AMZ2: variants seen among roughly 807,000 people sequenced by gnomAD.
AMZ2 encodes the protein archaelysin family metallopeptidase 2.
AMZ2 carries 26 observed loss-of-function variants against 36.7 expected under a neutral mutation model. The ratio of observed to expected loss-of-function variants is 0.71; its 90% CI spans 0.52 to 0.98. The LOEUF (loss-of-function observed/expected upper bound fraction) is 0.98, where lower values mean the gene tolerates loss of function less well. Among genes scored for constraint, AMZ2 ranks in the 50% least tolerant of loss-of-function variants. AMZ2 has a pLI of 0.00. For synonymous variants in AMZ2, 144 were observed against 149.1 expected, an observed-to-expected ratio of 0.97 and a Z score of 0.25; for missense variants, 394 against 430.5, an observed-to-expected ratio of 0.92 and a Z score of 0.75.
At chr17:68,219,589 T>A (rs1256064744) in intron 1 of AMZ2, among the ~76,000 whole-genome samples, 1 of 152,142 alleles carries the variant, frequency 6.6e-6, no homozygotes, top group Admixed American at 6.6e-5. Context: ...TGGAGTGCAG[T>A]GGCACAGTCA....
At chr17:68,250,022 C>T (rs1555738184) in intron 1 of AMZ2, 166 bp from the exon 2 acceptor site, 1 of 679,050 alleles carries the variant, frequency 1.5e-6, no homozygotes, top group East Asian at 2.8e-5. Context: ...TCTTAGATCT[C>T]CAAGAAATTG....
chr17:68,251,599 T>A (rs1185817409), intron 4 of AMZ2, among the ~76,000 whole-genome samples: 1 of 151,980 alleles, frequency 6.6e-6, no homozygotes, highest in East Asian at 1.9e-4. Context: ...CCCAGGAGGT[T>A]GAGGCTGCAG....
intron 1 of AMZ2, among the ~76,000 whole-genome samples, chr17:68,219,253 C>T (rs145673592): frequency 6.6e-6 from 1 of 152,310 alleles, no homozygotes; most frequent in East Asian, 1.9e-4. Context: ...GTGTGAGCCA[C>T]CGTGCCCAGC....
chr17:68,230,141 C>T (rs1555730867), intron 1 of AMZ2, among the ~76,000 whole-genome samples: 1 of 152,092 alleles, frequency 6.6e-6, no homozygotes, highest in African/African-American at 2.4e-5. Flanking sequence ...GGCGTGATCT[C>T]GGCTCACTGC....
chr17:68,247,928 C>T (rs562756701), upstream of AMZ2: 4 of 985,588 alleles, frequency 4.1e-6, no homozygotes, highest in Non-Finnish European at 3.6e-6. Flanking sequence ...CGGCCGCACG[C>T]TCAGGGGCGT....
At position 68,216,277 on chromosome 17, in the gene AMZ2, G is replaced by A. The variant is rs183759806; in HGVS notation, c.-67+10039G>A. Among the ~76,000 whole-genome samples the A allele has an allele frequency of 4.6e-5, 7 of 152,182 alleles. No individual in the cohort carries two copies. In the East Asian group the frequency reaches 1.4e-3, roughly 29 times the overall value. On this transcript the variant is annotated intron_variant, in intron 1 of 7. Coordinates refer to the AMZ2 transcript ENST00000674770. ...GCCCCCCTAGGAGCTGGGACTACAG[G>A]CATGTGCCACCACGCCCAGCTGATT...
intron 1 of AMZ2, among the ~76,000 whole-genome samples, chr17:68,234,536 G>A (rs2073741928): frequency 6.6e-6 from 1 of 152,098 alleles, no homozygotes; most frequent in Non-Finnish European, 1.5e-5. Flanking sequence ...CGAGGTGGGA[G>A]GATTGCTTGA....
intron 1 of AMZ2, chr17:68,207,316 C>CG (rs1555724646): frequency 1.5e-5 from 2 of 133,342 alleles, no homozygotes; most frequent in Non-Finnish European, 3.2e-5. Flanking sequence ...GTTAAATACC[C>CG]CCCCCCCACA....
At chr17:68,227,094 A>G (rs567995178) in intron 1 of AMZ2, among the ~76,000 whole-genome samples, 47 of 151,946 alleles carry the variant, frequency 3.1e-4, no homozygotes, top group Non-Finnish European at 5.9e-4. Flanking sequence ...TGTGTACATA[A>G]TAACATTTTT....
exon 1 of AMZ2, chr17:68,206,155 T>C (rs1328463940): frequency 9.2e-6 from 12 of 1,306,134 alleles, no homozygotes; most frequent in South Asian, 3.2e-5. Flanking sequence ...TCCGATTATC[T>C]GGAGGAGCTG....
At chr17:68,254,036 C>G (rs1735994838) in intron 4 of AMZ2, among the ~76,000 whole-genome samples, 1 of 152,160 alleles carries the variant, frequency 6.6e-6, no homozygotes, top group Non-Finnish European at 1.5e-5. Context: ...TGAGCCACCA[C>G]GCCCAACCCA....
Position 68,251,031 on chromosome 17 carries a change from T to C in AMZ2, c.458-19T>C. On this transcript the variant is annotated intron_variant, in intron 3 of 6. Coordinates refer to ENST00000359904, the MANE Select transcript of AMZ2 (RefSeq NM_016627.5). ...TATATAATATACACTCATACATTTA[T>C]GTATTTCTTTTTAAATAGGGGACAT... The C allele has an allele frequency of 6.2e-7, 1 of 1,607,230 alleles. No individual in the cohort carries two copies. Among genetic ancestry groups the C allele is most frequent in the Non-Finnish European group, 8.5e-7 (1 of 1,178,366 alleles).
chr17:68,207,269 A>G (rs1368552973), intron 1 of AMZ2: 1 of 151,438 alleles, frequency 6.6e-6, no homozygotes, highest in Admixed American at 6.6e-5. Flanking sequence ...GTTTTCACAC[A>G]GAAAAGTTTC....
At chr17:68,255,306 G>GCCAGGGGTGATTTTGCCAT (rs2074813853) in intron 5 of AMZ2, among the ~76,000 whole-genome samples, 1 of 100,810 alleles carries the variant, frequency 9.9e-6, no homozygotes, top group Non-Finnish European at 2.2e-5. Context: ...AGGGTTCTCA[G>GCCAGGGGTGATTTTGCCAT]CCAGGGGTGA....
intron 4 of AMZ2, among the ~76,000 whole-genome samples, chr17:68,253,989 C>T (rs1309653175): frequency 6.6e-6 from 1 of 152,132 alleles, no homozygotes; most frequent in Admixed American, 6.5e-5. Flanking sequence ...AGGTGATCCA[C>T]CTGCCTCGGC....
At chr17:68,240,925 C>T (rs2073888374) in intron 1 of AMZ2, among the ~76,000 whole-genome samples, 1 of 152,188 alleles carries the variant, frequency 6.6e-6, no homozygotes, top group South Asian at 2.1e-4. Context: ...TCAAAGATCT[C>T]ACAATATTTA....
chr17:68,246,606 T>G (rs1312487318), upstream of AMZ2: 3 of 152,124 alleles, frequency 2.0e-5, no homozygotes, highest in East Asian at 1.9e-4. Flanking sequence ...ATTCTCAACT[T>G]CAAACTTTGA....
At chr17:68,252,657 C>T (rs1976226710) in intron 4 of AMZ2, among the ~76,000 whole-genome samples, 1 of 152,050 alleles carries the variant, frequency 6.6e-6, no homozygotes, top group Non-Finnish European at 1.5e-5. Context: ...GACCACCACA[C>T]CCGGCTATTT....
rs550783070 is a variant in AMZ2, at chr17:68,235,486, C to T, written c.-66-13154C>T. The stretch of plus-strand genomic sequence containing the variant: ...CTCAGCTGAACCCAAGTCCACAGAC[C>T]GTGGAGTTCGCGCCCTCTCACTGTG... On this transcript the variant is annotated intron_variant, in intron 1 of 7. Transcript: ENST00000674770. The surrounding 1 kb of genome is among the most constrained non-coding windows in gnomAD (Gnocchi z 4.2). Among the ~76,000 whole-genome samples the T allele has an allele frequency of 2.6e-5, 4 of 152,176 alleles. No individual in the cohort carries two copies. Among genetic ancestry groups the T allele is most frequent in the South Asian group, 2.1e-4 (1 of 4,836 alleles).
Sources: allele counts gnomAD v4.1 joint callset (sites outside exome capture counted in the v4.1 genomes callset), GRCh38; gene constraint gnomAD v4.1.1; non-coding constraint Gnocchi (gnomAD v3.1); transcripts MANE v1.5; gene names NCBI Gene and HGNC (gene_info 2026-07-23, HGNC 2026-07-21).